RESP18: variants seen among roughly 807,000 people sequenced by gnomAD.
RESP18 encodes regulated endocrine specific protein 18.
Under a neutral mutation model 30.0 loss-of-function variants are expected in RESP18, and 30 were observed. That is an observed-to-expected ratio of 1.00 (90% CI 0.75 to 1.36). The LOEUF (loss-of-function observed/expected upper bound fraction) is 1.36, where lower values mean the gene tolerates loss of function less well. Ranked by LOEUF, RESP18 falls within the 40% of genes most tolerant of loss-of-function variation. The pLI is 0.00. For missense variants in RESP18, 320 were observed against 284.2 expected, an observed-to-expected ratio of 1.13 and a Z score of -0.91; for synonymous variants, 117 against 111.2, an observed-to-expected ratio of 1.05 and a Z score of -0.33.
At chr2:219,329,559 A>G (rs1952808123) in intron 4 of RESP18, 78 bp downstream of exon 3, 3 of 1,542,476 alleles carry the variant, frequency 1.9e-6, no homozygotes, top group Middle Eastern at 1.8e-4. Flanking sequence ...TTCTACCTGC[A>G]GTTTTAGCAC....
chr2:219,332,243 A>G (rs1217373394), intron 2 of RESP18, among the ~76,000 whole-genome samples: 2 of 152,076 alleles, frequency 1.3e-5, no homozygotes, highest in Non-Finnish European at 2.9e-5. Context: ...CTGTGGCCAC[A>G]TAGGCCAGTT....
At chr2:219,330,151 A>G (rs961820374) in intron 3 of RESP18, among the ~76,000 whole-genome samples, 4 of 152,212 alleles carry the variant, frequency 2.6e-5, no homozygotes, top group Non-Finnish European at 4.4e-5. Context: ...AAGTTCAAAA[A>G]TTCCCATTTC....
intron 3 of RESP18, among the ~76,000 whole-genome samples, 164 bp from the exon 3 acceptor site, chr2:219,329,928 T>C (rs937758897): frequency 1.6e-4 from 24 of 152,232 alleles, no homozygotes; most frequent in African/African-American, 5.5e-4. Flanking sequence ...GCATATAATA[T>C]TCAAATTAGG....
chr2:219,329,786 G>T, intron 3 of RESP18, 22 bp from the exon 3 acceptor site: 5 of 1,546,928 alleles, frequency 3.2e-6, no homozygotes, highest in Non-Finnish European at 4.4e-6. Flanking sequence ...AAGGATGGGG[G>T]GTGAGTTGAC....
Position 219,332,642 on chromosome 2 carries a change from G to A in RESP18, c.114C>T (p.Ala38=). The A allele has an allele frequency of 1.3e-6, 2 of 1,551,370 alleles. No individual in the cohort carries two copies. Among genetic ancestry groups the A allele is most frequent in the Non-Finnish European group, 1.7e-6 (2 of 1,146,952 alleles). ...GTGGGTGCTGTATCCTCCCAGGCTCGGCGCGCTCACTCCCCGGCCAAGTCT... is the reference window on the plus strand; with the variant it reads ...GTGGGTGCTGTATCCTCCCAGGCTCAGCGCGCTCACTCCCCGGCCAAGTCT... Residue 38 remains alanine (A), a synonymous_variant, in exon 2 of 7, where the codon GCC becomes GCT. Transcript: ENST00000333527.
chr2:219,328,057 C>A (rs1658446979), intron 6 of RESP18, among the ~76,000 whole-genome samples: 1 of 152,260 alleles, frequency 6.6e-6, no homozygotes, highest in Non-Finnish European at 1.5e-5. Context: ...CCACCTCGGT[C>A]TCCCTGGACC....
intron 2 of RESP18, among the ~76,000 whole-genome samples, chr2:219,331,570 A>G (rs1225765638): frequency 6.6e-6 from 1 of 152,236 alleles, no homozygotes; most frequent in Non-Finnish European, 1.5e-5. Flanking sequence ...AGTTTTAAGT[A>G]GAGACATTTG....
At chr2:219,327,668 T>C in intron 6 of RESP18, 105 bp from the exon 6 acceptor site, 1 of 977,952 alleles carries the variant, frequency 1.0e-6, no homozygotes. Flanking sequence ...CTGATTTGAG[T>C]AACCCTTCAG....
intron 2 of RESP18, among the ~76,000 whole-genome samples, chr2:219,331,574 A>G (rs1238867915): frequency 6.6e-6 from 1 of 152,120 alleles, no homozygotes; most frequent in African/African-American, 2.4e-5. Flanking sequence ...TTAAGTAGAG[A>G]CATTTGGGGA....
In RESP18 at chr2:219,328,924, G is replaced by T. The variant is rs1189845074; in HGVS notation, c.640C>A (p.Arg214=). The change falls in exon 6 of 7, where the codon CGG becomes AGG. Residue 214 remains arginine (R), a splice_region_variant and synonymous_variant. Coordinates refer to ENST00000333527, the MANE Select transcript of RESP18 (RefSeq NM_001007089.4). ...TGCCTATTTTAAACTCAATACTTAC[G>T]CATGATCTTATAGATAATTTCTTCC... The T allele has an allele frequency of 2.6e-6, 4 of 1,543,942 alleles. No individual in the cohort carries two copies. Among genetic ancestry groups the T allele is most frequent in the Middle Eastern group, 1.7e-4 (1 of 6,000 alleles).
At chr2:219,332,811 T>A in intron 1 of RESP18, 67 bp from the exon 1 acceptor site, 1 of 1,185,422 alleles carries the variant, frequency 8.4e-7, no homozygotes, top group South Asian at 1.5e-5. Flanking sequence ...CCCAGCTCCT[T>A]CCCCTACCGC....
intron 2 of RESP18, among the ~76,000 whole-genome samples, chr2:219,331,512 A>T (rs533762556): frequency 1.3e-5 from 2 of 152,308 alleles, no homozygotes; most frequent in Admixed American, 1.3e-4. Context: ...GAATTCTCCT[A>T]CCCAGTCAAA....
At chr2:219,329,494 T>C (rs1368737279) in intron 4 of RESP18, 143 bp downstream of exon 3, 2 of 1,544,760 alleles carry the variant, frequency 1.3e-6, no homozygotes, top group Non-Finnish European at 1.7e-6. Flanking sequence ...ATCATGAAAT[T>C]CTTCTCTGCT....
intron 2 of RESP18, among the ~76,000 whole-genome samples, chr2:219,331,641 A>G (rs192300689): frequency 1.2e-4 from 18 of 152,324 alleles, no homozygotes; most frequent in Admixed American, 9.1e-4. Flanking sequence ...GAGAAGGGAA[A>G]GAGCTTCGGG....
chr2:219,329,487 A>T, intron 4 of RESP18, 150 bp downstream of exon 3: 1 of 1,547,984 alleles, frequency 6.5e-7, no homozygotes, highest in Admixed American at 2.0e-5. Flanking sequence ...CTAATGGATC[A>T]TGAAATTCTT....
chr2:219,332,147 G>T (rs1157561766), intron 2 of RESP18, among the ~76,000 whole-genome samples: 1 of 152,118 alleles, frequency 6.6e-6, no homozygotes, highest in African/African-American at 2.4e-5. Context: ...GCCCTGGCTC[G>T]TCTCCTGGCC....
intron 6 of RESP18, 97 bp from the exon 6 acceptor site, chr2:219,327,660 G>A: frequency 9.6e-7 from 1 of 1,042,784 alleles, no homozygotes; most frequent in Non-Finnish European, 1.5e-6. Context: ...GTAACAGCCT[G>A]ATTTGAGTAA....
At chr2:219,332,257 C>T (rs1343251405) in intron 2 of RESP18, among the ~76,000 whole-genome samples, 1 of 152,134 alleles carries the variant, frequency 6.6e-6, no homozygotes, top group Non-Finnish European at 1.5e-5. Flanking sequence ...GCCAGTTTTA[C>T]CTCTCTCTGT....
At position 219,332,569 on chromosome 2, in the gene RESP18, G is replaced by A. The variant is rs1952842844; in HGVS notation, c.187C>T (p.Leu63=). ...CAGCCCCCCGGGCAGCTGTTCAGCA[G>A]CAGGAAGCAGACAAGCAGCTGGAGC... The change falls in exon 2 of 7, where the codon CTG becomes TTG. Residue 63 remains leucine, a synonymous_variant. Transcript: ENST00000333527. 6.4e-7 allele frequency: 1 copy of A among 1,551,412 alleles called. No homozygotes were observed.
Sources: allele counts gnomAD v4.1 joint callset (sites outside exome capture counted in the v4.1 genomes callset), GRCh38; gene constraint gnomAD v4.1.1; transcripts MANE v1.5; gene names NCBI Gene and HGNC (gene_info 2026-07-23, HGNC 2026-07-21).